The following NPAS3 variants were observed in gnomAD, a reference collection of about 807,000 sequenced individuals.
NPAS3 encodes neuronal PAS domain protein 3.
NPAS3 carries 14 observed loss-of-function variants against 73.1 expected under a neutral mutation model. The ratio of observed to expected loss-of-function variants is 0.19; its 90% confidence interval spans 0.13 to 0.30. NPAS3 has a LOEUF of 0.30. Among genes scored for constraint, NPAS3 ranks in the 10% least tolerant of loss-of-function variants. The probability of loss-of-function intolerance (pLI) is 1.00; values close to 1 mark genes in which losing one functional copy is unlikely to be tolerated. For missense variants in NPAS3, 1,096 were observed against 1,250.0 expected (o/e 0.88, Z 1.86); for synonymous variants, 620 against 541.5 (o/e 1.14, Z -2.01).
chr14:33,267,542 G>A (rs187444477), intron 3 of NPAS3, among the ~76,000 whole-genome samples: 1 of 152,206 alleles, frequency 6.6e-6, no homozygotes, highest in East Asian at 1.9e-4. Flanking sequence ...TCTCAACCAT[G>A]AAATTAAGCT....
intron 2 of NPAS3, among the ~76,000 whole-genome samples, chr14:33,096,434 A>C (rs962630160): frequency 2.6e-5 from 4 of 152,206 alleles, no homozygotes; most frequent in Admixed American, 2.6e-4. Context: ...TATCTAAGCC[A>C]ATTTAGTTTC....
intron 2 of NPAS3, among the ~76,000 whole-genome samples, chr14:33,156,045 G>T (rs1287611106): frequency 6.6e-6 from 1 of 152,168 alleles, no homozygotes. Flanking sequence ...GACCAAGGGG[G>T]AGGCCTAGGT....
chr14:33,488,764 G>T (rs115693233), intron 4 of NPAS3, among the ~76,000 whole-genome samples: 1 of 152,106 alleles, frequency 6.6e-6, no homozygotes, highest in Non-Finnish European at 1.5e-5. Context: ...ACAGTTCTGG[G>T]TGTGCACAGA....
At position 33,800,539 on chromosome 14, in the gene NPAS3, C is replaced by T; in HGVS notation, c.2232C>T (p.Ser744=). 7.3e-7 allele frequency: 1 copy of T among 1,362,778 alleles called. No individual in the cohort carries two copies. The highest frequency in any genetic ancestry group is 9.4e-7 in the Non-Finnish European group (1 of 1,065,528). 84.4% of individuals were successfully genotyped at this position (1,362,778 alleles called of 1,614,324 possible). Residue 744 remains serine (S), a synonymous_variant, in exon 12 of 12, where the codon TCC becomes TCT. Coordinates refer to ENST00000356141, the Ensembl canonical transcript of NPAS3. The surrounding 1 kb of genome is among the most constrained non-coding windows in gnomAD (Gnocchi z 6.5). ...CCGCGGCCCTGGCCCCCGTCGCCTC[C>T]GACCCGCTGTCACCCCCGCTCTCGG...
intron 4 of NPAS3, among the ~76,000 whole-genome samples, chr14:33,517,598 A>G (rs1407569634): frequency 6.6e-6 from 1 of 151,968 alleles, no homozygotes; most frequent in Non-Finnish European, 1.5e-5. Context: ...TAAAGGTTCA[A>G]CTCAGGCATC....
At chr14:33,180,799 CAAGAAAAAAAAA>C (rs1352450192) in intron 2 of NPAS3, among the ~76,000 whole-genome samples, 2 of 69,346 alleles carry the variant, frequency 2.9e-5, no homozygotes, top group Non-Finnish European at 5.1e-5. Flanking sequence ...ACACTGTCTC[CAAGAAAAAAAAA>C]AAAAAAAAAA....
intron 1 of NPAS3, among the ~76,000 whole-genome samples, chr14:32,945,565 T>C (rs1164079763): frequency 1.3e-5 from 2 of 152,162 alleles, no homozygotes; most frequent in Admixed American, 6.5e-5. Flanking sequence ...CAGGTGAACT[T>C]AGGCAGTACA....
intron 1 of NPAS3, among the ~76,000 whole-genome samples, chr14:32,945,174 G>C (rs2036199729): frequency 6.6e-6 from 1 of 152,040 alleles, no homozygotes; most frequent in Non-Finnish European, 1.5e-5. Context: ...TTTCACTTCT[G>C]TTAGCTTAGT....
At chr14:33,681,117 T>C (rs2059924884) in intron 6 of NPAS3, 1 of 153,126 alleles carries the variant, frequency 6.5e-6, no homozygotes, top group South Asian at 2.1e-4. Context: ...CTGACATCAT[T>C]AGATGATTTT....
chr14:33,358,233 T>G, intron 3 of NPAS3, among the ~76,000 whole-genome samples: 1 of 151,940 alleles, frequency 6.6e-6, no homozygotes, highest in East Asian at 1.9e-4. Context: ...TAAGCAGTGG[T>G]GTTGAGGTGG....
At chr14:33,671,582 A>G (rs1471159314) in intron 5 of NPAS3, among the ~76,000 whole-genome samples, 1 of 152,172 alleles carries the variant, frequency 6.6e-6, no homozygotes, top group African/African-American at 2.4e-5. Context: ...GGAAAAAAAG[A>G]GTTTAAACAA....
intron 3 of NPAS3, among the ~76,000 whole-genome samples, chr14:33,293,493 T>A (rs2042179075): frequency 6.6e-6 from 1 of 152,178 alleles, no homozygotes; most frequent in Non-Finnish European, 1.5e-5. Context: ...ATGAGCATAA[T>A]TGAGTGATTT....
intron 2 of NPAS3, among the ~76,000 whole-genome samples, chr14:33,062,013 G>A (rs1016654434): frequency 2.6e-5 from 4 of 152,256 alleles, no homozygotes; most frequent in African/African-American, 7.2e-5. Context: ...ACAGGCAGAA[G>A]TGGAGGGCTG....
chr14:33,667,346 CA>C (rs1391054305), intron 5 of NPAS3, among the ~76,000 whole-genome samples: 1 of 152,142 alleles, frequency 6.6e-6, no homozygotes, highest in Non-Finnish European at 1.5e-5. Flanking sequence ...TGTGTGATTA[CA>C]GCATTGTTCT....
chr14:33,488,992 T>C (rs2139794463), intron 4 of NPAS3, among the ~76,000 whole-genome samples: 1 of 152,288 alleles, frequency 6.6e-6, no homozygotes, highest in Non-Finnish European at 1.5e-5. Flanking sequence ...CCATTCTCCC[T>C]GAATGCTATA....
intron 1 of NPAS3, among the ~76,000 whole-genome samples, chr14:33,001,242 A>G (rs1012584229): frequency 4.6e-5 from 7 of 152,098 alleles, no homozygotes; most frequent in African/African-American, 1.7e-4. Context: ...AAAATGGAGG[A>G]TAATCTGTGG....
rs566620690 is a variant in NPAS3, at chr14:33,537,608, C to A, written c.469-22513C>A. Among the ~76,000 whole-genome samples the A allele has an allele frequency of 2.0e-5, 3 of 152,272 alleles. No homozygotes were observed. In the South Asian group the frequency reaches 6.2e-4, roughly 32 times the overall value. On this transcript the variant is annotated intron_variant, in intron 4 of 11. Transcript: ENST00000356141. Reference sequence around the variant, plus strand: ...TAAATGATCACACTGCGAGAGCCATCGTGAGTGGTGATAATGATGCTAAAT... The same window carrying A: ...TAAATGATCACACTGCGAGAGCCATAGTGAGTGGTGATAATGATGCTAAAT...
At chr14:33,547,629 A>T (rs2054909756) in intron 4 of NPAS3, among the ~76,000 whole-genome samples, 1 of 151,702 alleles carries the variant, frequency 6.6e-6, no homozygotes, top group Non-Finnish European at 1.5e-5. Context: ...AAACCAAAAG[A>T]TGAAAGGAAA....
intron 4 of NPAS3, among the ~76,000 whole-genome samples, chr14:33,470,718 T>G (rs1307412265): frequency 3.9e-5 from 6 of 152,170 alleles, no homozygotes; most frequent in Non-Finnish European, 1.5e-5. Context: ...CAAAGAGCCA[T>G]GTTGGATTTT....
Sources: allele counts gnomAD v4.1 joint callset (sites outside exome capture counted in the v4.1 genomes callset), GRCh38; gene constraint gnomAD v4.1.1; non-coding constraint Gnocchi (gnomAD v3.1); transcripts MANE v1.5; gene names NCBI Gene and HGNC (gene_info 2026-07-23, HGNC 2026-07-21).